Variants in ADAT2 observed in about 807,000 individuals in gnomAD.
The protein encoded by ADAT2 is adenosine deaminase tRNA specific 2, also known as tRNA-specific adenosine-34 deaminase catalytic subunit ADAT2.
Under a neutral mutation model 25.9 loss-of-function variants are expected in ADAT2, and 26 were observed. The observed-to-expected ratio is 1.00, with a 90% CI of 0.74 to 1.39. The LOEUF (loss-of-function observed/expected upper bound fraction) is 1.39. ADAT2 is among the 40% of genes most tolerant of loss of function. The pLI, the probability that ADAT2 is intolerant of heterozygous loss-of-function variation, is 0.00. For synonymous variants in ADAT2, 76 were observed against 86.8 expected (o/e 0.88, Z 0.69); for missense variants, 220 against 244.8 (o/e 0.90, Z 0.68).
chr6:143,432,459 T>A lies in ADAT2; in HGVS notation c.459+46A>T. 1 of 1,532,084 alleles carries A rather than the reference T, an allele frequency of 6.5e-7. No homozygotes were observed. The highest frequency in any genetic ancestry group is 1.1e-5 in the South Asian group (1 of 89,250). 94.9% of individuals were successfully genotyped at this position (1,532,084 alleles called of 1,614,324 possible). A position where few individuals can be genotyped will look rare whatever the true frequency, so the allele number is the denominator to read the frequency against. ...AGTTATTCACAAGCCCATAAAGAGA[T>A]GAAAATAATTAGCAAGAAAGAAAAA... is the stretch of plus-strand genomic sequence containing the variant. On this transcript the variant is annotated intron_variant, in intron 4 of 5. Coordinates refer to ENST00000237283, the MANE Select transcript of ADAT2 (RefSeq NM_182503.3). This position sits in a 1 kb window ranked among gnomAD's most constrained non-coding sequence, Gnocchi z 4.4.
In ADAT2 at chr6:143,432,542, G is replaced by T. The variant is rs1372920080; in HGVS notation, c.422C>A (p.Ala141Asp). ...FGGCGSVLNI[A>D]SADLPNTGRP... ...CCCAGTGTTTGGTAGGTCAGCAGAG[G>T]CAATATTTAGAACAGAGCCACAACC... The change falls in exon 4 of 6, where the codon GCC (alanine) becomes GAC (aspartate). Residue 141 changes from alanine to aspartate, a missense_variant. Physicochemically the swap from Ala to Asp is moderately radical, Grantham distance 126. Coordinates refer to ENST00000237283, the MANE Select transcript of ADAT2 (RefSeq NM_182503.3). The surrounding 1 kb of genome is among the most constrained non-coding windows in gnomAD (Gnocchi z 4.4). 2 of 1,614,150 alleles carry T rather than the reference G, an allele frequency of 1.2e-6. No individual in the cohort carries two copies. Among genetic ancestry groups the T allele is most frequent in the Non-Finnish European group, 1.7e-6 (2 of 1,180,026 alleles).
At chr6:143,429,550 G>C (rs1779047984) in intron 4 of ADAT2, among the ~76,000 whole-genome samples, 1 of 152,162 alleles carries the variant, frequency 6.6e-6, no homozygotes, top group South Asian at 2.1e-4. Context: ...AGCATTTCAG[G>C]GAAAGGGCAA....
At chr6:143,429,184 C>G (rs9496620) in intron 4 of ADAT2, among the ~76,000 whole-genome samples, 42,660 of 151,854 alleles carry the variant, frequency 0.28, 6,237 homozygotes, top group Admixed American at 0.32. Flanking sequence ...CTTGGTGGAC[C>G]AAATCTGTTC....
At chr6:143,435,157 T>TTAAAAAAAA (rs59627912) in intron 2 of ADAT2, among the ~76,000 whole-genome samples, 1 of 122,070 alleles carries the variant, frequency 8.2e-6, no homozygotes. Flanking sequence ...GTGGAGAGTT[T>TTAAAAAAAA]AAAAAAAAAA....
chr6:143,435,088 C>T (rs1779229174), intron 2 of ADAT2, among the ~76,000 whole-genome samples: 1 of 147,342 alleles, frequency 6.8e-6, no homozygotes, highest in Admixed American at 7.0e-5. Context: ...AACTAATTAC[C>T]AGAGATGGAA....
In ADAT2 at chr6:143,423,743, G is replaced by A. The variant is rs1333834381; in HGVS notation, c.*4720C>T. 1 of 152,186 alleles carries A rather than the reference G, an allele frequency of 6.6e-6. No homozygotes were observed. The highest frequency in any genetic ancestry group is 1.5e-5 in the Non-Finnish European group (1 of 68,038). 9.4% of individuals were successfully genotyped at this position (152,186 alleles called of 1,614,324 possible). A position where few individuals can be genotyped will look rare whatever the true frequency, so the allele number is the denominator to read the frequency against. On this transcript the variant is annotated 3_prime_UTR_variant, in exon 6 of 6. Transcript: ENST00000237283. ...AGTTCTTGCAAAATGAACTTAACAG[G>A]CTTCTCGTTGAAGGGAGGCCAAGGA...
In ADAT2 at chr6:143,436,727, G is replaced by A; in HGVS notation, c.201+1863C>T. The A allele has an allele frequency of 5.2e-6, 1 of 193,792 alleles. No homozygotes were observed. The allele number at this position is 193,792 out of a possible 1,614,324, so 12.0% of individuals were successfully genotyped here. A position where few individuals can be genotyped will look rare whatever the true frequency, so the allele number is the denominator to read the frequency against. On this transcript the variant is annotated intron_variant, in intron 2 of 5. Transcript: ENST00000237283. This position sits in a 1 kb window ranked among gnomAD's most constrained non-coding sequence, Gnocchi z 4.1. Reference sequence around the variant, plus strand: ...GGGGCGTAGAGCCTTCTGTTACTGGGTTAAGGGCGGGGGTGGTATGAATTC... The same window carrying A: ...GGGGCGTAGAGCCTTCTGTTACTGGATTAAGGGCGGGGGTGGTATGAATTC...
chr6:143,434,647 C>G lies in ADAT2; in HGVS notation c.202-666G>C, dbSNP rs1163618585. ...ACTTAACTTCTGTAAGTCTAGGATT[C>G]CCCATATGTAAAATGGTATACACTG... On this transcript the variant is annotated intron_variant, in intron 2 of 5. Transcript: ENST00000237283. This position sits in a 1 kb window ranked among gnomAD's most constrained non-coding sequence, Gnocchi z 4.5. Among the ~76,000 whole-genome samples, 1 of 152,116 alleles carries G rather than the reference C, an allele frequency of 6.6e-6. No homozygotes were observed. Among genetic ancestry groups the G allele is most frequent in the African/African-American group, 2.4e-5 (1 of 41,408 alleles).
At position 143,423,367 on chromosome 6, in the gene ADAT2, A is replaced by G. The variant is rs1398473397; in HGVS notation, c.*5096T>C. On this transcript the variant is annotated 3_prime_UTR_variant, in exon 6 of 6. Transcript: ENST00000237283. Reference sequence around the variant, plus strand: ...TTATCCTTCTTTTGATTTTTTTTCAATCACTCAGAATTGTAAGACCCATTT... The same window carrying G: ...TTATCCTTCTTTTGATTTTTTTTCAGTCACTCAGAATTGTAAGACCCATTT... The G allele has an allele frequency of 6.6e-6, 1 of 152,130 alleles. No homozygotes were observed. The highest frequency in any genetic ancestry group is 1.5e-5 in the Non-Finnish European group (1 of 68,014). The allele number at this position is 152,130 out of a possible 1,614,324, so 9.4% of individuals were successfully genotyped here. A position where few individuals can be genotyped will look rare whatever the true frequency, so the allele number is the denominator to read the frequency against.
rs1245590278 is a variant in ADAT2 at position 143,434,666 on chromosome 6, T to C, written c.202-685A>G. Among the ~76,000 whole-genome samples, 2 of 152,136 alleles carry C rather than the reference T, an allele frequency of 1.3e-5. No homozygotes were observed. The highest frequency in any genetic ancestry group is 1.9e-4 in the East Asian group (1 of 5,198). ...AGGATTCCCCATATGTAAAATGGTA[T>C]ACACTGGTATCTACACTTATAAACC... On this transcript the variant is annotated intron_variant, in intron 2 of 5. Transcript: ENST00000237283. This position sits in a 1 kb window ranked among gnomAD's most constrained non-coding sequence, Gnocchi z 4.5.
In ADAT2 at chr6:143,432,598, A is replaced by G. The variant is rs1395850689; in HGVS notation, c.366T>C (p.Val122=). Reference sequence around the variant, plus strand: ...ATCGTTCATTCTGACAGCCATATACAACCAGCGGGATTTATAAGACAGAAT... The same window carrying G: ...ATCGTTCATTCTGACAGCCATATACGACCAGCGGGATTTATAAGACAGAAT... ...AALRLMKIPL[V]VYGCQNERFG... Residue 122 remains valine, a synonymous_variant, in exon 4 of 6, where the codon GTT becomes GTC. Coordinates refer to ENST00000237283, the MANE Select transcript of ADAT2 (RefSeq NM_182503.3). This position sits in a 1 kb window ranked among gnomAD's most constrained non-coding sequence, Gnocchi z 4.4. 6.2e-7 allele frequency: 1 copy of G among 1,614,206 alleles called. No individual in the cohort carries two copies. Among genetic ancestry groups the G allele is most frequent in the Non-Finnish European group, 8.5e-7 (1 of 1,180,012 alleles).
chr6:143,441,509 C>T (rs1033733473), intron 1 of ADAT2: 1 of 152,474 alleles, frequency 6.6e-6, no homozygotes, highest in Non-Finnish European at 1.5e-5. Flanking sequence ...AGCTTCCACT[C>T]ATGGCAGAAG....
rs761420910 is a variant in ADAT2 at position 143,444,907 on chromosome 6, G to T, written c.96+5656C>A. The T allele has an allele frequency of 1.5e-6, 2 of 1,296,278 alleles. No individual in the cohort carries two copies. The highest frequency in any genetic ancestry group is 2.5e-5 in the South Asian group (2 of 79,770). 80.3% of individuals were successfully genotyped at this position (1,296,278 alleles called of 1,614,324 possible). ...GCTTTCTAGTGATGTCATGATAAAA[G>T]GGGGAGAGATGGAAACAGACCTTGT... On this transcript the variant is annotated intron_variant, in intron 1 of 5. Transcript: ENST00000237283. The surrounding 1 kb of genome is among the most constrained non-coding windows in gnomAD (Gnocchi z 4.3).
At chr6:143,430,772 A>G (rs111326281) in intron 4 of ADAT2, among the ~76,000 whole-genome samples, 8 of 152,154 alleles carry the variant, frequency 5.3e-5, no homozygotes, top group African/African-American at 1.7e-4. Flanking sequence ...TCACCATGTT[A>G]GCCAGGATGG....
Position 143,428,391 on chromosome 6 carries a change from T to G in ADAT2, c.*72A>C, listed in dbSNP as rs141097468. On this transcript the variant is annotated 3_prime_UTR_variant, in exon 6 of 6. Coordinates refer to ENST00000237283, the MANE Select transcript of ADAT2 (RefSeq NM_182503.3). This position sits in a 1 kb window ranked among gnomAD's most constrained non-coding sequence, Gnocchi z 5.0. ...AATATATAAACATATGATTCAACGA[T>G]GTCAACAGCTTTCAGTCTATGAATC... 4.4e-4 allele frequency: 655 copies of G among 1,491,848 alleles called. 4 individuals carry two copies. The African/African-American group carries it at 7.5e-3, about 17-fold the overall frequency. The allele number at this position is 1,491,848 out of a possible 1,614,324, so 92.4% of individuals were successfully genotyped here. A position where few individuals can be genotyped will look rare whatever the true frequency, so the allele number is the denominator to read the frequency against.
At chr6:143,433,705 A>T in intron 3 of ADAT2, 126 bp downstream of exon 3, 1 of 1,003,606 alleles carries the variant, frequency 1.0e-6, no homozygotes, top group Non-Finnish European at 1.4e-6. Flanking sequence ...TGGCTAAGAC[A>T]CACTATATTT....
rs1779156120 is a variant in ADAT2, at chr6:143,432,791, A to G, written c.353-180T>C. Among the ~76,000 whole-genome samples, 1 of 152,242 alleles carries G rather than the reference A, an allele frequency of 6.6e-6. No individual in the cohort carries two copies. The highest frequency in any genetic ancestry group is 1.5e-5 in the Non-Finnish European group (1 of 68,032). On this transcript the variant is annotated intron_variant, in intron 3 of 5. Transcript: ENST00000237283. This position sits in a 1 kb window ranked among gnomAD's most constrained non-coding sequence, Gnocchi z 4.4. ...CAGCTACACAGAAGAAAAGGGGTTA[A>G]AGTATTGAGAAATTGACATTTAACA...
chr6:143,425,614 T>C lies in ADAT2; in HGVS notation c.*2849A>G, dbSNP rs578170906. The C allele has an allele frequency of 6.6e-6, 1 of 152,078 alleles. No homozygotes were observed. The highest frequency in any genetic ancestry group is 2.4e-5 in the African/African-American group (1 of 41,450). The allele number at this position is 152,078 out of a possible 1,614,324, so 9.4% of individuals were successfully genotyped here. On this transcript the variant is annotated 3_prime_UTR_variant, in exon 6 of 6. Coordinates refer to ENST00000237283, the MANE Select transcript of ADAT2 (RefSeq NM_182503.3). ...GGGAGAACTTCTTTACAGGACATTA[T>C]TGGGTCAGCTGACAAAACTGTAATA... is the stretch of plus-strand genomic sequence containing the variant.
chr6:143,443,581 A>T (rs1177058081), intron 1 of ADAT2, among the ~76,000 whole-genome samples: 1 of 152,186 alleles, frequency 6.6e-6, no homozygotes, highest in Admixed American at 6.5e-5. Context: ...CTGTAATCCC[A>T]GCACTTTAGG....
Sources: gnomAD v4.1 joint callset for allele counts (sites outside exome capture counted in the v4.1 genomes callset) on GRCh38, gnomAD v4.1.1 for gene constraint, Gnocchi (gnomAD v3.1) non-coding constraint, MANE v1.5 for transcripts, NCBI Gene and HGNC (gene_info 2026-07-23, HGNC 2026-07-21) for gene names.